Variants in ADK observed in about 807,000 individuals in gnomAD.
ADK encodes the protein adenosine kinase, also known as N6,N6-dimethyladenosine kinase.
In ADK, 24 loss-of-function variants were observed where a neutral mutation model predicts 44.7. The observed-to-expected ratio is 0.54, with a 90% CI of 0.39 to 0.76. ADK has a LOEUF of 0.76. Among genes scored for constraint, ADK ranks in the 30% least tolerant of loss-of-function variants. The pLI, the probability that ADK is intolerant of heterozygous loss-of-function variation, is 0.00. For missense variants in ADK, 321 were observed against 425.1 expected (o/e 0.76, Z 2.15); for synonymous variants, 128 against 142.6 (o/e 0.90, Z 0.73).
At chr10:74,176,582 G>C in intron 1 of ADK, 1 of 1,358,276 alleles carries the variant, frequency 7.4e-7, no homozygotes, top group Non-Finnish European at 9.5e-7. Flanking sequence ...CACCGCGCCC[G>C]CTAGTCATCT....
chr10:74,614,684 T>G (rs1255400742), intron 9 of ADK, among the ~76,000 whole-genome samples: 1 of 151,396 alleles, frequency 6.6e-6, no homozygotes, highest in East Asian at 1.9e-4. Context: ...TTTGTGCACT[T>G]TCTTACTTTT....
intron 2 of ADK, among the ~76,000 whole-genome samples, chr10:74,218,753 A>G (rs1246422827): frequency 1.3e-5 from 2 of 152,210 alleles, no homozygotes; most frequent in Admixed American, 6.5e-5. Context: ...ACAGAATTTC[A>G]TATCCAGCCG....
intron 9 of ADK, among the ~76,000 whole-genome samples, chr10:74,640,488 C>T (rs1044948966): frequency 2.6e-4 from 40 of 152,248 alleles, no homozygotes; most frequent in African/African-American, 6.7e-4. Context: ...CTGTGTGCTC[C>T]GTGTACTGCT....
chr10:74,374,403 T>G (rs1842758929), intron 4 of ADK, among the ~76,000 whole-genome samples: 1 of 152,178 alleles, frequency 6.6e-6, no homozygotes, highest in African/African-American at 2.4e-5. Context: ...TTGCCAGAGT[T>G]TTTGTTCCTT....
At chr10:74,603,256 AC>A (rs1049649074) in intron 9 of ADK, among the ~76,000 whole-genome samples, 1 of 151,842 alleles carries the variant, frequency 6.6e-6, no homozygotes, top group African/African-American at 2.4e-5. Flanking sequence ...TGTGCCTTAA[AC>A]CTATTTTTTT....
At chr10:74,533,111 A>G (rs1849348457) in intron 7 of ADK, among the ~76,000 whole-genome samples, 1 of 152,176 alleles carries the variant, frequency 6.6e-6, no homozygotes, top group African/African-American at 2.4e-5. Flanking sequence ...CAGACCAAAG[A>G]TGTATACACT....
intron 4 of ADK, among the ~76,000 whole-genome samples, chr10:74,322,369 C>T (rs1840843747): frequency 1.3e-5 from 2 of 152,122 alleles, no homozygotes; most frequent in African/African-American, 2.4e-5. Flanking sequence ...TTCTTTGTGT[C>T]ATTGAAGAAA....
chr10:74,157,405 T>TA (rs893301697), intron 1 of ADK, among the ~76,000 whole-genome samples: 2 of 150,908 alleles, frequency 1.3e-5, no homozygotes, highest in Non-Finnish European at 3.0e-5. Flanking sequence ...ATAATGGTCA[T>TA]AAAAAAACAT....
At chr10:74,399,365 C>G (rs1313885922) in intron 6 of ADK, among the ~76,000 whole-genome samples, 3 of 150,594 alleles carry the variant, frequency 2.0e-5, no homozygotes, top group African/African-American at 7.3e-5. Flanking sequence ...AATTGATTAC[C>G]CTACTAGGAG....
At chr10:74,560,839 T>C (rs896923630) in intron 7 of ADK, among the ~76,000 whole-genome samples, 14 of 152,204 alleles carry the variant, frequency 9.2e-5, no homozygotes, top group Admixed American at 4.6e-4. Flanking sequence ...CCTGTTTTTA[T>C]TGCTAAGCTC....
At chr10:74,639,031 A>G (rs1853729766) in intron 9 of ADK, among the ~76,000 whole-genome samples, 1 of 152,098 alleles carries the variant, frequency 6.6e-6, no homozygotes, top group Non-Finnish European at 1.5e-5. Context: ...CTGGTCTTGA[A>G]CTACTGGACT....
chr10:74,319,163 G>A (rs919712123), intron 4 of ADK, among the ~76,000 whole-genome samples: 1 of 152,064 alleles, frequency 6.6e-6, no homozygotes, highest in South Asian at 2.1e-4. Context: ...TCCAACTGTG[G>A]TTACGTTATT....
intron 7 of ADK, among the ~76,000 whole-genome samples, chr10:74,584,171 T>A (rs917912062): frequency 6.6e-6 from 1 of 152,206 alleles, no homozygotes; most frequent in South Asian, 2.1e-4. Flanking sequence ...CCTACACATA[T>A]AATCCACAGA....
chr10:74,230,175 A>AT (rs57469461), intron 3 of ADK, among the ~76,000 whole-genome samples: 26,555 of 149,414 alleles, frequency 0.18, 2,750 homozygotes, highest in African/African-American at 0.3. Context: ...TTAAATGCTT[A>AT]TTTTTTTTTA....
At chr10:74,478,226 T>G (rs1418060270) in intron 6 of ADK, among the ~76,000 whole-genome samples, 1 of 152,182 alleles carries the variant, frequency 6.6e-6, no homozygotes, top group Non-Finnish European at 1.5e-5. Flanking sequence ...GAACTGTATT[T>G]ATTTATTTCT....
intron 9 of ADK, among the ~76,000 whole-genome samples, chr10:74,643,691 G>A (rs1853956114): frequency 6.6e-6 from 1 of 152,080 alleles, no homozygotes; most frequent in Admixed American, 6.6e-5. Context: ...GTGATATGTT[G>A]TATTTGCAAA....
intron 6 of ADK, among the ~76,000 whole-genome samples, chr10:74,488,769 T>C (rs1027469996): frequency 1.3e-5 from 2 of 151,846 alleles, no homozygotes; most frequent in Non-Finnish European, 2.9e-5. Context: ...GGATTTCATG[T>C]TTAGCTTTTT....
intron 6 of ADK, among the ~76,000 whole-genome samples, chr10:74,443,251 A>G (rs976021599): frequency 2.0e-5 from 3 of 152,212 alleles, no homozygotes; most frequent in Non-Finnish European, 2.9e-5. Context: ...ACATACACAT[A>G]TATCAAAACA....
chr10:74,553,190 G>GTGTTTTTT (rs1850097157), intron 7 of ADK, among the ~76,000 whole-genome samples: 1 of 60,438 alleles, frequency 1.7e-5, no homozygotes, highest in Non-Finnish European at 3.0e-5. Flanking sequence ...AGCACATTGT[G>GTGTTTTTT]TTTTTTTTTT....
Sources: allele counts gnomAD v4.1 joint callset (sites outside exome capture counted in the v4.1 genomes callset), GRCh38; gene constraint gnomAD v4.1.1; transcripts MANE v1.5; gene names NCBI Gene and HGNC (gene_info 2026-07-23, HGNC 2026-07-21).